Variants in FBXW2 observed in about 807,000 individuals in gnomAD.
FBXW2 encodes the protein F-box/WD repeat-containing protein 2.
In FBXW2, 12 loss-of-function variants were observed where a neutral mutation model predicts 46.0. The ratio of observed to expected loss-of-function variants is 0.26; its 90% confidence interval spans 0.17 to 0.42. FBXW2 has a LOEUF of 0.42. Ranked by LOEUF, FBXW2 falls within the 10% of genes least tolerant of loss-of-function variation. The pLI is 1.00. For synonymous variants in FBXW2, 203 were observed against 209.6 expected, an observed-to-expected ratio of 0.97 and a Z score of 0.27; for missense variants, 360 against 537.0, an observed-to-expected ratio of 0.67 and a Z score of 3.26.
chr9:120,790,480 T>C (rs144036522), intron 2 of FBXW2, among the ~76,000 whole-genome samples: 3 of 151,836 alleles, frequency 2.0e-5, no homozygotes, highest in Non-Finnish European at 4.4e-5. Flanking sequence ...CAAGACTCCA[T>C]CTCAAAAAAG....
rs775735597 is a variant in FBXW2, at chr9:120,771,404, G to A, written c.1020C>T (p.Val340=). 74 of 1,614,046 alleles carry A rather than the reference G, an allele frequency of 4.6e-5. No individual in the cohort carries two copies. Among genetic ancestry groups the A allele is most frequent in the Non-Finnish European group, 5.9e-5 (70 of 1,180,020 alleles). Residue 340 remains valine, a synonymous_variant, in exon 7 of 8, where the codon GTC becomes GTT. Transcript: ENST00000608872. The part of the protein sequence containing the change: ...PRLHFDGKYI[V]CSSALGLYQW... ...GGTAGAGACCAAGTGCTGAACTACA[G>A]ACAATGTATTTGCCATCAAAATGAA...
At chr9:120,784,538 C>T (rs2044678615) in intron 3 of FBXW2, among the ~76,000 whole-genome samples, 1 of 151,612 alleles carries the variant, frequency 6.6e-6, no homozygotes, top group Non-Finnish European at 1.5e-5. Flanking sequence ...CACCTGAGCC[C>T]AGGAGGTGGA....
Position 120,787,827 on chromosome 9 carries a change from T to C in FBXW2, c.432A>G (p.Leu144=). Residue 144 remains leucine, a synonymous_variant, in exon 3 of 8, where the codon TTA becomes TTG. Coordinates refer to ENST00000608872, the MANE Select transcript of FBXW2 (RefSeq NM_012164.4). ...EDHEAFETSS[L]IGHSARVYAL... Reference sequence around the variant, plus strand: ...CATACACTCTGGCACTGTGTCCAATTAATGACGAGGTTTCAAAGGCTTCAT... The same window carrying C: ...CATACACTCTGGCACTGTGTCCAATCAATGACGAGGTTTCAAAGGCTTCAT... 1 of 1,614,198 alleles carries C rather than the reference T, an allele frequency of 6.2e-7. No homozygotes were observed. The highest frequency in any genetic ancestry group is 8.5e-7 in the Non-Finnish European group (1 of 1,180,024).
intron 2 of FBXW2, among the ~76,000 whole-genome samples, chr9:120,788,865 A>C (rs2044775279): frequency 6.6e-6 from 1 of 152,208 alleles, no homozygotes; most frequent in Non-Finnish European, 1.5e-5. Flanking sequence ...AGGGAAGAAA[A>C]GCAGGTGTGG....
rs549338236 is a variant in FBXW2, at chr9:120,787,956, T to C, written c.303A>G (p.Ala101=). Residue 101 remains alanine (A), a synonymous_variant, in exon 3 of 8, where the codon GCA becomes GCG. Transcript: ENST00000608872. The stretch of plus-strand genomic sequence containing the variant: ...CTATCTGCCAGCCCAAATTTTTACA[T>C]GCAGTCTGCCACACCTCTGTACAGG... ...ISACTEVWQT[A]CKNLGWQIDD... 1.2e-6 allele frequency: 2 copies of C among 1,614,240 alleles called. No individual in the cohort carries two copies. Among genetic ancestry groups the C allele is most frequent in the Non-Finnish European group, 1.7e-6 (2 of 1,180,040 alleles).
intron 4 of FBXW2, 94 bp downstream of exon 4, chr9:120,778,257 T>C: frequency 9.0e-7 from 1 of 1,108,294 alleles, no homozygotes; most frequent in Non-Finnish European, 1.3e-6. Context: ...AAAAAGCAGG[T>C]TAAATTAAAA....
intron 3 of FBXW2, among the ~76,000 whole-genome samples, chr9:120,787,525 A>G (rs2044748361): frequency 6.6e-6 from 1 of 152,222 alleles, no homozygotes; most frequent in South Asian, 2.1e-4. Context: ...ATAGCTTTGT[A>G]ATTCACATAA....
chr9:120,777,715 C>G (rs2044527011), intron 4 of FBXW2, among the ~76,000 whole-genome samples: 1 of 148,924 alleles, frequency 6.7e-6, no homozygotes, highest in South Asian at 2.2e-4. Context: ...CCCACCCCCG[C>G]CCCCGCCAAA....
In FBXW2 at chr9:120,760,157, A is replaced by C. The variant is rs576354885; in HGVS notation, c.*4402T>G. The C allele has an allele frequency of 2.4e-4, 36 of 152,420 alleles. No individual in the cohort carries two copies. The highest frequency in any genetic ancestry group is 8.4e-4 in the African/African-American group (35 of 41,566). 9.4% of individuals were successfully genotyped at this position (152,420 alleles called of 1,614,324 possible). On this transcript the variant is annotated 3_prime_UTR_variant, in exon 8 of 8. Transcript: ENST00000608872. ...GTAACCAGGTAGGAGGGCTGTGTCA[A>C]GAAGACGGACCTAAAGGGCTTCTCC...
chr9:120,770,080 TA>T (rs1303109284), intron 7 of FBXW2, among the ~76,000 whole-genome samples: 1 of 152,098 alleles, frequency 6.6e-6, no homozygotes, highest in African/African-American at 2.4e-5. Context: ...TAGTCATGCA[TA>T]AAAACAATGA....
Position 120,764,209 on chromosome 9 carries a change from A to G in FBXW2, c.*350T>C, listed in dbSNP as rs2044235038. 8 of 402,406 alleles carry G rather than the reference A, an allele frequency of 2.0e-5. No homozygotes were observed. Among genetic ancestry groups the G allele is most frequent in the Non-Finnish European group, 3.5e-5 (8 of 228,532 alleles). The allele number at this position is 402,406 out of a possible 1,614,324, so 24.9% of individuals were successfully genotyped here. A position where few individuals can be genotyped will look rare whatever the true frequency, so the allele number is the denominator to read the frequency against. ...CTTTAATAACAGACAATGTGATTTC[A>G]TAGGCAACCAATTAGCAGATTAATG... is the stretch of plus-strand genomic sequence containing the variant. On this transcript the variant is annotated 3_prime_UTR_variant, in exon 8 of 8. Transcript: ENST00000608872.
intron 3 of FBXW2, among the ~76,000 whole-genome samples, chr9:120,787,349 A>G (rs1008838674): frequency 3.3e-5 from 5 of 152,158 alleles, no homozygotes; most frequent in Non-Finnish European, 7.4e-5. Context: ...TATTTTAAAG[A>G]TACAGAGAGG....
Position 120,793,341 on chromosome 9 carries a change from C to T in FBXW2, c.-130+13G>A, listed in dbSNP as rs2044896502. On this transcript the variant is annotated intron_variant, in intron 1 of 7. Transcript: ENST00000608872. Reference sequence around the variant, plus strand: ...GAGTCCCCTCCCCGACCGGCCCCGCCTCGCATACAGACCCGGACCTGCGGC... The same window carrying T: ...GAGTCCCCTCCCCGACCGGCCCCGCTTCGCATACAGACCCGGACCTGCGGC... 2.4e-6 allele frequency: 1 copy of T among 422,696 alleles called. No homozygotes were observed. The highest frequency in any genetic ancestry group is 3.5e-5 in the East Asian group (1 of 28,314). 26.2% of individuals were successfully genotyped at this position (422,696 alleles called of 1,614,324 possible). A position where few individuals can be genotyped will look rare whatever the true frequency, so the allele number is the denominator to read the frequency against.
chr9:120,786,018 C>CAA (rs3047150), intron 3 of FBXW2, among the ~76,000 whole-genome samples: 657 of 37,192 alleles, frequency 0.018, 4 homozygotes, highest in East Asian at 0.022. Context: ...GACTCCATCT[C>CAA]AAAAAAAAAA....
chr9:120,765,802 A>C (rs967805728), intron 7 of FBXW2, among the ~76,000 whole-genome samples: 2 of 152,346 alleles, frequency 1.3e-5, no homozygotes, highest in South Asian at 2.1e-4. Context: ...TATGAAAAAA[A>C]CTAGGGAAGA....
intron 7 of FBXW2, among the ~76,000 whole-genome samples, chr9:120,770,804 A>G (rs2044361948): frequency 2.0e-5 from 3 of 152,234 alleles, no homozygotes; most frequent in Non-Finnish European, 2.9e-5. Flanking sequence ...TCCTTCTCCA[A>G]GAAGAGCCTA....
rs978360842 is a variant in FBXW2 at position 120,759,622 on chromosome 9, C to G, written c.*4937G>C. The G allele has an allele frequency of 1.3e-5, 2 of 152,174 alleles. No homozygotes were observed. The highest frequency in any genetic ancestry group is 2.9e-5 in the Non-Finnish European group (2 of 68,030). The allele number at this position is 152,174 out of a possible 1,614,324, so 9.4% of individuals were successfully genotyped here. ...CTAAGTCTAAATCAGTGAAATATGCCTGTTCACAATCTGAGTACAAAGACA... is the reference window on the plus strand; with the variant it reads ...CTAAGTCTAAATCAGTGAAATATGCGTGTTCACAATCTGAGTACAAAGACA... On this transcript the variant is annotated 3_prime_UTR_variant, in exon 8 of 8. Coordinates refer to ENST00000608872, the MANE Select transcript of FBXW2 (RefSeq NM_012164.4).
intron 6 of FBXW2, among the ~76,000 whole-genome samples, chr9:120,772,092 G>C (rs915012924): frequency 6.8e-6 from 1 of 146,978 alleles, no homozygotes; most frequent in African/African-American, 2.5e-5. Context: ...AAGAGATGCA[G>C]TAAGAATGTG....
rs754133584 is a variant in FBXW2, at chr9:120,788,032, G to A, written c.227C>T (p.Thr76Ile). 6.2e-7 allele frequency: 1 copy of A among 1,614,206 alleles called. No individual in the cohort carries two copies. Among genetic ancestry groups the A allele is most frequent in the East Asian group, 2.2e-5 (1 of 44,882 alleles). ...FYLLKWLDPQ[T>I]LLTCCLVSKQ... is the part of the protein sequence containing the mutation. The stretch of plus-strand genomic sequence containing the variant: ...AGAGACGAGGCAGCATGTGAGTAAA[G>A]TCTGAGGATCGAGCCATTTTAACAA... Residue 76 changes from threonine (T) to isoleucine (I), a missense_variant, in exon 3 of 8, where the codon ACT (threonine) becomes ATT (isoleucine). Transcript: ENST00000608872.
Sources: allele counts gnomAD v4.1 joint callset (sites outside exome capture counted in the v4.1 genomes callset), GRCh38; gene constraint gnomAD v4.1.1; transcripts MANE v1.5; gene names NCBI Gene and HGNC (gene_info 2026-07-23, HGNC 2026-07-21).